YBX3: variants seen among roughly 807,000 people sequenced by gnomAD.
The protein encoded by YBX3 is Y-box-binding protein 3.
In YBX3, 29 loss-of-function variants were observed where a neutral mutation model predicts 42.4. The observed-to-expected ratio is 0.68, with a 90% CI of 0.51 to 0.93. YBX3 has a LOEUF of 0.93. YBX3 is among the 40% of genes least tolerant of loss of function. YBX3 has a pLI of 0.00. For missense variants in YBX3, 517 were observed against 527.5 expected, an observed-to-expected ratio of 0.98 and a Z score of 0.19; for synonymous variants, 195 against 189.8, an observed-to-expected ratio of 1.03 and a Z score of -0.22.
In YBX3 at chr12:10,701,343, C is replaced by A. The variant is rs1591720471; in HGVS notation, c.1064G>T (p.Gly355Val). The A allele has an allele frequency of 1.3e-6, 1 of 780,988 alleles. No individual in the cohort carries two copies. The highest frequency in any genetic ancestry group is 2.4e-6 in the Non-Finnish European group (1 of 418,128). 48.4% of individuals were successfully genotyped at this position (780,988 alleles called of 1,614,324 possible). A position where few individuals can be genotyped will look rare whatever the true frequency, so the allele number is the denominator to read the frequency against. The change falls in exon 9 of 10, where the codon GGT becomes GTT. Residue 355 changes from glycine to valine, a missense_variant. By Grantham distance (109) the Gly-to-Val change is moderately radical. Around this residue, in one of 3 missense-constraint regions of YBX3, gnomAD observed 420 missense variants for 408.5 expected, o/e 1.03. Coordinates refer to ENST00000228251, the MANE Select transcript of YBX3 (RefSeq NM_003651.5). ...AGCAGGGTTCTCAGTTGGTGCTTCA[C>A]CTGCCTTGGCCTAAAATGCAAAACA... The part of the protein sequence containing the change: ...PSQDGKEAKA[G>V]EAPTENPAPP...
intron 1 of YBX3, among the ~76,000 whole-genome samples, chr12:10,719,617 G>A (rs10772356): frequency 0.19 from 28,693 of 152,082 alleles, 3,074 homozygotes; most frequent in East Asian, 0.48. Context: ...AATCTACAAA[G>A]ACGTAAAGCA....
chr12:10,710,251 A>T, intron 5 of YBX3, 137 bp from the exon 6 acceptor site: 2 of 1,523,888 alleles, frequency 1.3e-6, no homozygotes, highest in Admixed American at 4.0e-5. Flanking sequence ...GACAAAATGC[A>T]TTTAACCCAG....
At chr12:10,705,031 T>C (rs1261424074) in intron 6 of YBX3, among the ~76,000 whole-genome samples, 1 of 152,230 alleles carries the variant, frequency 6.6e-6, no homozygotes, top group East Asian at 1.9e-4. Flanking sequence ...ATGCCCTTTA[T>C]AGCAAAAACA....
At position 10,699,635 on chromosome 12, in the gene YBX3, T is replaced by C. The variant is rs1444757778; in HGVS notation, c.*54A>G. Reference sequence around the variant, plus strand: ...TGCTTTTTGCTTTATTTCTGAATGGTCATTAATTCTTTAGGTCACCTGGGA... The same window carrying C: ...TGCTTTTTGCTTTATTTCTGAATGGCCATTAATTCTTTAGGTCACCTGGGA... On this transcript the variant is annotated 3_prime_UTR_variant, in exon 10 of 10. Coordinates refer to ENST00000228251, the MANE Select transcript of YBX3 (RefSeq NM_003651.5). The C allele has an allele frequency of 6.6e-6, 1 of 152,632 alleles. No homozygotes were observed. The highest frequency in any genetic ancestry group is 2.4e-5 in the African/African-American group (1 of 41,444). 9.5% of individuals were successfully genotyped at this position (152,632 alleles called of 1,614,324 possible).
rs564563300 is a variant in YBX3 at position 10,705,640 on chromosome 12, T to C, written c.781-1492A>G. Among the ~76,000 whole-genome samples, 12 of 152,390 alleles carry C rather than the reference T, an allele frequency of 7.9e-5. No individual in the cohort carries two copies. In the South Asian group the frequency reaches 2.5e-3, roughly 32 times the overall value. On this transcript the variant is annotated intron_variant, in intron 6 of 9. Transcript: ENST00000228251. ...GGTATCTGCCACCAGAGTCCTCCAC[T>C]GTAAGTTGACTCTTTCCTTCTTTGT...
intron 3 of YBX3, 61 bp from the exon 4 acceptor site, chr12:10,715,844 T>C: frequency 2.2e-6 from 3 of 1,358,540 alleles, no homozygotes; most frequent in East Asian, 2.3e-5. Flanking sequence ...CAGATTTCAC[T>C]GCTTTCAAGT....
At chr12:10,709,826 G>A in intron 6 of YBX3, 82 bp downstream of exon 6, 3 of 1,528,262 alleles carry the variant, frequency 2.0e-6, no homozygotes, top group Admixed American at 1.7e-5. Context: ...GGCAGCTGAT[G>A]TTGGAGGAGG....
intron 5 of YBX3, chr12:10,711,702 C>CA (rs746735886): frequency 6.6e-6 from 1 of 152,150 alleles, no homozygotes; most frequent in Non-Finnish European, 1.5e-5. Context: ...GATATTACAA[C>CA]AAAAAAGCTC....
At chr12:10,704,835 A>G (rs1948119804) in intron 6 of YBX3, among the ~76,000 whole-genome samples, 1 of 152,344 alleles carries the variant, frequency 6.6e-6, no homozygotes, top group Admixed American at 6.5e-5. Flanking sequence ...TCAACTAGAC[A>G]CAGCATGTTA....
rs779600847 is a variant in YBX3 at position 10,713,263 on chromosome 12, C to T, written c.521G>A (p.Arg174Gln). 6.8e-6 allele frequency: 11 copies of T among 1,614,032 alleles called. No homozygotes were observed. Among genetic ancestry groups the T allele is most frequent in the African/African-American group, 1.3e-5 (1 of 75,012 alleles). ...ATAGTAGCCACGTCTGTAACGGCGCCGATCTGCAGCGTAACGACTCCCTTC... is the reference window on the plus strand; with the variant it reads ...ATAGTAGCCACGTCTGTAACGGCGCTGATCTGCAGCGTAACGACTCCCTTC... The part of the protein sequence containing the change: ...PVEGSRYAAD[R>Q]RRYRRGYYGR... Residue 174 changes from arginine to glutamine, a missense_variant, in exon 5 of 10, where the codon CGG becomes CAG. Arg to Gln is a conservative substitution (Grantham distance 43). Coordinates refer to ENST00000228251, the MANE Select transcript of YBX3 (RefSeq NM_003651.5).
intron 5 of YBX3, chr12:10,712,422 C>T (rs188335759): frequency 3.3e-5 from 5 of 152,296 alleles, no homozygotes; most frequent in Non-Finnish European, 5.9e-5. Flanking sequence ...AACTCTTTCC[C>T]CTGCATTGAA....
At chr12:10,717,624 G>A (rs544460794) in intron 3 of YBX3, 1 of 152,516 alleles carries the variant, frequency 6.6e-6, no homozygotes, top group African/African-American at 2.4e-5. Context: ...CCTGGGAACT[G>A]GAAGTTTTCT....
intron 6 of YBX3, among the ~76,000 whole-genome samples, chr12:10,706,622 C>T (rs911592751): frequency 7.9e-5 from 12 of 152,168 alleles, no homozygotes; most frequent in Admixed American, 5.9e-4. Flanking sequence ...AATCTTTAAT[C>T]GTTGGTGTGT....
chr12:10,707,767 C>A (rs932663693), intron 6 of YBX3, among the ~76,000 whole-genome samples: 3 of 152,314 alleles, frequency 2.0e-5, no homozygotes, highest in East Asian at 3.9e-4. Context: ...ACCCTCTCCC[C>A]CTTCATTCAC....
rs746144133 is a variant in YBX3, at chr12:10,710,024, G to T, written c.664C>A (p.Gln222Lys). ...TDRQFSGARNQLRRPQYRPQY... is the reference protein window; with the variant it reads ...TDRQFSGARNKLRRPQYRPQY... Reference sequence around the variant, plus strand: ...GGGCGATACTGGGGGCGGCGCAGCTGATTCCGGGCCCCAGAGAACTGCCTA... The same window carrying T: ...GGGCGATACTGGGGGCGGCGCAGCTTATTCCGGGCCCCAGAGAACTGCCTA... Residue 222 changes from glutamine (Q) to lysine (K), a missense_variant, in exon 6 of 10, where the codon CAG (glutamine) becomes AAG (lysine). By Grantham distance (53) the Gln-to-Lys change is moderately conservative. Coordinates refer to ENST00000228251, the MANE Select transcript of YBX3 (RefSeq NM_003651.5). 1.9e-5 allele frequency: 31 copies of T among 1,613,986 alleles called. No individual in the cohort carries two copies. The highest frequency in any genetic ancestry group is 3.4e-6 in the Non-Finnish European group (4 of 1,179,982).
At chr12:10,722,198 G>C (rs1948334421) in intron 1 of YBX3, 1 of 152,334 alleles carries the variant, frequency 6.6e-6, no homozygotes. Context: ...GGGGGAGGAA[G>C]ACGTGGGACT....
Position 10,723,288 on chromosome 12 carries a change from G to T in YBX3, c.-177C>A. Reference sequence around the variant, plus strand: ...GCGGAGGCGGCTCGAGCTTCGTGCTGCGCGCTCTCTCTTGGGCTCCTCGCT... The same window carrying T: ...GCGGAGGCGGCTCGAGCTTCGTGCTTCGCGCTCTCTCTTGGGCTCCTCGCT... On this transcript the variant is annotated 5_prime_UTR_variant, in exon 1 of 10. Coordinates refer to ENST00000228251, the MANE Select transcript of YBX3 (RefSeq NM_003651.5). The T allele has an allele frequency of 3.8e-6, 4 of 1,047,684 alleles. No homozygotes were observed. Among genetic ancestry groups the T allele is most frequent in the South Asian group, 4.7e-5 (1 of 21,482 alleles). 64.9% of individuals were successfully genotyped at this position (1,047,684 alleles called of 1,614,324 possible). A position where few individuals can be genotyped will look rare whatever the true frequency, so the allele number is the denominator to read the frequency against.
rs781671998 is a variant in YBX3, at chr12:10,719,110, T to C, written c.296A>G (p.Asn99Ser). 50 of 1,613,478 alleles carry C rather than the reference T, an allele frequency of 3.1e-5. No homozygotes were observed. The highest frequency in any genetic ancestry group is 8.8e-5 in the South Asian group (8 of 91,014). Residue 99 changes from asparagine (N) to serine (S), a missense_variant, in exon 2 of 10, where the codon AAC (asparagine) becomes AGC (serine). Asn to Ser is a conservative substitution (Grantham distance 46, BLOSUM62 1). Around this residue, in one of 3 missense-constraint regions of YBX3, gnomAD observed 420 missense variants for 408.5 expected, o/e 1.03. Coordinates refer to ENST00000228251, the MANE Select transcript of YBX3 (RefSeq NM_003651.5). ...TATAAATCCATATCCATTTCTGACG[T>C]TGAACCATTTGACAGTGCCAAGGAC... Reference protein sequence around the residue: ...TKVLGTVKWFNVRNGYGFINR... With the variant: ...TKVLGTVKWFSVRNGYGFINR...
At chr12:10,705,858 T>C (rs749906206) in intron 6 of YBX3, among the ~76,000 whole-genome samples, 27 of 152,328 alleles carry the variant, frequency 1.8e-4, no homozygotes, top group Non-Finnish European at 3.5e-4. Context: ...TCATATCCTA[T>C]TGATGTGTTT....
Sources: allele counts gnomAD v4.1 joint callset (sites outside exome capture counted in the v4.1 genomes callset), GRCh38; gene constraint gnomAD v4.1.1; regional missense constraint gnomAD v4.1.1; transcripts MANE v1.5; gene names NCBI Gene and HGNC (gene_info 2026-07-23, HGNC 2026-07-21).